Variants in ZNF197 observed in about 807,000 individuals in gnomAD.
ZNF197 encodes zinc finger protein 197, also known as VHL-associated KRAB-A domain-containing protein.
A neutral mutation model predicts 27.4 loss-of-function variants in ZNF197; 14 were observed. The observed-to-expected ratio is 0.51, with a 90% confidence interval of 0.34 to 0.80. ZNF197 has a LOEUF of 0.80. Ranked by LOEUF, ZNF197 falls within the 30% of genes least tolerant of loss-of-function variation. ZNF197 has a pLI of 0.02. For missense variants in ZNF197, 1,090 were observed against 1,222.6 expected (o/e 0.89, Z 1.62); for synonymous variants, 415 against 420.0 (o/e 0.99, Z 0.15).
At chr3:44,628,756 G>A (rs1054742726) in intron 1 of ZNF197, among the ~76,000 whole-genome samples, 2 of 152,204 alleles carry the variant, frequency 1.3e-5, no homozygotes, top group Admixed American at 6.5e-5. Context: ...ACTTGTTCCA[G>A]GTTACACAGG....
chr3:44,632,148 C>G lies in ZNF197; in HGVS notation c.594C>G (p.Asn198Lys). The G allele has an allele frequency of 6.2e-7, 1 of 1,614,182 alleles. No individual in the cohort carries two copies. The highest frequency in any genetic ancestry group is 8.5e-7 in the Non-Finnish European group (1 of 1,180,028). ...CTTCTGCCCTTTCCCAGGAAGAGAA[C>G]CCAAGAAATCAATTAATGGCACTTA... ...PEASALSQEE[N>K]PRNQLMALML... Residue 198 changes from asparagine to lysine, a missense_variant, in exon 4 of 6, where the codon AAC becomes AAG. Asn to Lys is a moderately conservative substitution (Grantham distance 94). Transcript: ENST00000344387.
Position 44,629,348 on chromosome 3 carries a change from A to T in ZNF197, c.194A>T (p.Glu65Val), listed in dbSNP as rs1006690523. ...GPQEALSRLR[E>V]LCRRWLRPEA... ...CAGGAAGCCCTGAGCCGGCTCAGGG[A>T]ACTCTGTCGCCGGTGGCTGAGACCA... Residue 65 changes from glutamate (E) to valine (V), a missense_variant, in exon 2 of 6, where the codon GAA becomes GTA. Glu to Val is a moderately radical substitution (Grantham distance 121). Transcript: ENST00000344387. The T allele has an allele frequency of 6.2e-7, 1 of 1,614,116 alleles. No homozygotes were observed. Among genetic ancestry groups the T allele is most frequent in the Non-Finnish European group, 8.5e-7 (1 of 1,180,020 alleles).
intron 3 of ZNF197, among the ~76,000 whole-genome samples, 177 bp downstream of exon 3, chr3:44,631,398 A>C (rs1701985784): frequency 6.7e-6 from 1 of 149,288 alleles, no homozygotes; most frequent in Non-Finnish European, 1.5e-5. Flanking sequence ...GAGCTTGTAT[A>C]CATCCCCCCT....
In ZNF197 at chr3:44,646,061, G is replaced by A. The variant is rs1702939159; in HGVS notation, c.*1841G>A. The A allele has an allele frequency of 8.1e-6, 8 of 985,174 alleles. No homozygotes were observed. The highest frequency in any genetic ancestry group is 9.6e-6 in the Non-Finnish European group (8 of 829,878). 61.0% of individuals were successfully genotyped at this position (985,174 alleles called of 1,614,324 possible). ...AATTCAACCCCACAGTTTCTTGGGG[G>A]CTGGTTCCTCATTAGAGTGAAAGGT... On this transcript the variant is annotated 3_prime_UTR_variant, in exon 6 of 6. Transcript: ENST00000344387.
In ZNF197 at chr3:44,631,237, T is replaced by A; in HGVS notation, c.550+16T>A. The A allele has an allele frequency of 1.9e-6, 3 of 1,613,844 alleles. No homozygotes were observed. The highest frequency in any genetic ancestry group is 3.3e-4 in the Middle Eastern group (2 of 6,054). On this transcript the variant is annotated intron_variant, in intron 3 of 5. Transcript: ENST00000344387. The stretch of plus-strand genomic sequence containing the variant: ...CCTCAGCATGGTATTTACTCAGTGC[T>A]CTGGGTTTTGGGCTGTTCAAGGACC...
rs762200006 is a variant in ZNF197 at position 44,644,233 on chromosome 3, A to G, written c.*13A>G. 110 of 1,559,952 alleles carry G rather than the reference A, an allele frequency of 7.1e-5. No homozygotes were observed. The highest frequency in any genetic ancestry group is 9.3e-5 in the Non-Finnish European group (108 of 1,158,528). Reference sequence around the variant, plus strand: ...TCAGAAAATCTAGTGTCATATGTAAAATGGAATAGAATCCCTGCCTACTTA... The same window carrying G: ...TCAGAAAATCTAGTGTCATATGTAAGATGGAATAGAATCCCTGCCTACTTA... On this transcript the variant is annotated 3_prime_UTR_variant, in exon 6 of 6. Transcript: ENST00000344387.
At chr3:44,639,381 G>T (rs1447751834) in intron 5 of ZNF197, among the ~76,000 whole-genome samples, 1 of 152,024 alleles carries the variant, frequency 6.6e-6, no homozygotes, top group Admixed American at 6.6e-5. Context: ...AATTTGTGAA[G>T]AAATGGTATT....
At position 44,632,503 on chromosome 3, in the gene ZNF197, T is replaced by C. The variant is rs1702070601; in HGVS notation, c.673T>C (p.Cys225Arg). Reference protein sequence around the residue: ...ELVMFEEVSVCFTSEEWACLG... With the variant: ...ELVMFEEVSVRFTSEEWACLG... ...GGTGATGTTCGAGGAGGTGTCAGTA[T>C]GCTTCACTTCAGAGGAATGGGCATG... The change falls in exon 5 of 6, where the codon TGC becomes CGC. Residue 225 changes from cysteine (C) to arginine (R), a missense_variant. Physicochemically the swap from Cys to Arg is radical, Grantham distance 180. Transcript: ENST00000344387. The C allele has an allele frequency of 6.2e-7, 1 of 1,607,610 alleles. No individual in the cohort carries two copies. The highest frequency in any genetic ancestry group is 8.5e-7 in the Non-Finnish European group (1 of 1,177,664).
At chr3:44,634,489 G>A (rs1027130168) in intron 5 of ZNF197, among the ~76,000 whole-genome samples, 3 of 151,340 alleles carry the variant, frequency 2.0e-5, no homozygotes, top group Admixed American at 1.3e-4. Context: ...TCCACTTGTC[G>A]GCCAGGCTGG....
chr3:44,633,020 A>G (rs1037704366), intron 5 of ZNF197, among the ~76,000 whole-genome samples: 20 of 152,062 alleles, frequency 1.3e-4, no homozygotes, highest in Admixed American at 6.6e-5. Flanking sequence ...ATGTTTTATT[A>G]TTTTTAGAGG....
rs1394347160 is a variant in ZNF197 at position 44,644,837 on chromosome 3, CG to C, written c.*621del. On this transcript the variant is annotated 3_prime_UTR_variant, in exon 6 of 6. Coordinates refer to ENST00000344387, the MANE Select transcript of ZNF197 (RefSeq NM_006991.5). ...GAGTTCGAGACAAGCCTGGGTAACACGGGGAGACCCGTCTTTAGTAAATAAA... is the reference window on the plus strand; with the variant it reads ...GAGTTCGAGACAAGCCTGGGTAACACGGGAGACCCGTCTTTAGTAAATAAA... 1.5e-5 allele frequency: 14 copies of C among 965,328 alleles called. No homozygotes were observed. In the East Asian group the frequency reaches 9.2e-4, roughly 63 times the overall value. The allele number at this position is 965,328 out of a possible 1,614,324, so 59.8% of individuals were successfully genotyped here.
chr3:44,645,271 G>A lies in ZNF197; in HGVS notation c.*1051G>A, dbSNP rs1042853030. 6.3e-5 allele frequency: 62 copies of A among 985,236 alleles called. No homozygotes were observed. Among genetic ancestry groups the A allele is most frequent in the East Asian group, 1.1e-4 (1 of 8,830 alleles). 61.0% of individuals were successfully genotyped at this position (985,236 alleles called of 1,614,324 possible). A position where few individuals can be genotyped will look rare whatever the true frequency, so the allele number is the denominator to read the frequency against. ...AATAAAGTTGGATAAAAGAGGTTAT[G>A]GTAAAAGTTTAGAACATGGGATCAT... On this transcript the variant is annotated 3_prime_UTR_variant, in exon 6 of 6. Coordinates refer to ENST00000344387, the MANE Select transcript of ZNF197 (RefSeq NM_006991.5).
rs1702914593 is a variant in ZNF197, at chr3:44,645,663, C to T, written c.*1443C>T. The T allele has an allele frequency of 1.1e-5, 11 of 985,374 alleles. No homozygotes were observed. Among genetic ancestry groups the T allele is most frequent in the Non-Finnish European group, 1.3e-5 (11 of 829,914 alleles). 61.0% of individuals were successfully genotyped at this position (985,374 alleles called of 1,614,324 possible). ...CCGCAGTTGAGCTGATGATCCCTGC[C>T]ACAGTCATTGTGAATTCTAATCAAT... is the stretch of plus-strand genomic sequence containing the variant. On this transcript the variant is annotated 3_prime_UTR_variant, in exon 6 of 6. Coordinates refer to ENST00000344387, the MANE Select transcript of ZNF197 (RefSeq NM_006991.5).
Position 44,643,778 on chromosome 3 carries a change from T to C in ZNF197, c.2648T>C (p.Leu883Pro). The change falls in exon 6 of 6, where the codon CTT becomes CCT. Residue 883 changes from leucine (L) to proline (P), a missense_variant. By Grantham distance (98) the Leu-to-Pro change is moderately conservative. Coordinates refer to ENST00000344387, the MANE Select transcript of ZNF197 (RefSeq NM_006991.5). ...TYECHVCRKVLTSSRNLMVHQ... is the reference protein window; with the variant it reads ...TYECHVCRKVPTSSRNLMVHQ... The stretch of plus-strand genomic sequence containing the variant: ...GAATGTCATGTATGTAGGAAAGTCC[T>C]TACCTCTAGTAGAAATCTTATGGTA... 6.2e-7 allele frequency: 1 copy of C among 1,613,996 alleles called. No homozygotes were observed. The highest frequency in any genetic ancestry group is 8.5e-7 in the Non-Finnish European group (1 of 1,180,024).
chr3:44,643,137 A>G lies in ZNF197; in HGVS notation c.2007A>G (p.Gln669=), dbSNP rs770744639. The change falls in exon 6 of 6, where the codon CAA becomes CAG. Residue 669 remains glutamine, a synonymous_variant. Transcript: ENST00000344387. ...TGAAGAAGAGCCTCATTTTACATCAAAGGTTCCACACTGGAGAGAATCTCT... is the reference window on the plus strand; with the variant it reads ...TGAAGAAGAGCCTCATTTTACATCAGAGGTTCCACACTGGAGAGAATCTCT... ...FILKKSLILH[Q]RFHTGENLYE... 6 of 1,612,160 alleles carry G rather than the reference A, an allele frequency of 3.7e-6. No homozygotes were observed. Among genetic ancestry groups the G allele is most frequent in the East Asian group, 2.2e-5 (1 of 44,806 alleles).
intron 3 of ZNF197, among the ~76,000 whole-genome samples, chr3:44,631,605 TG>T (rs1427200827): frequency 6.6e-6 from 1 of 151,842 alleles, no homozygotes; most frequent in Non-Finnish European, 1.5e-5. Flanking sequence ...GGGGTTTCAC[TG>T]TGTTAGCCAA....
intron 1 of ZNF197, among the ~76,000 whole-genome samples, chr3:44,625,737 TGC>T (rs1192594099): frequency 3.0e-3 from 369 of 124,040 alleles, no homozygotes; most frequent in African/African-American, 0.011. Flanking sequence ...TGCTGGCCTT[TGC>T]GCGCGCGCGC....
intron 1 of ZNF197, among the ~76,000 whole-genome samples, chr3:44,626,563 A>G (rs1041099547): frequency 1.2e-4 from 18 of 152,258 alleles, no homozygotes; most frequent in Admixed American, 1.2e-3. Flanking sequence ...CAACACCTCA[A>G]TGGAAACATG....
intron 3 of ZNF197, among the ~76,000 whole-genome samples, chr3:44,631,740 T>TG (rs1401279694): frequency 2.7e-5 from 4 of 147,948 alleles, no homozygotes; most frequent in Non-Finnish European, 6.0e-5. Flanking sequence ...CTCGCTCTGT[T>TG]GCCAGGCTGG....
Sources: gnomAD v4.1 joint callset for allele counts (sites outside exome capture counted in the v4.1 genomes callset) on GRCh38, gnomAD v4.1.1 for gene constraint, MANE v1.5 for transcripts, NCBI Gene and HGNC (gene_info 2026-07-23, HGNC 2026-07-21) for gene names.